The following TRPC3 variants were observed in gnomAD, a reference collection of about 807,000 sequenced individuals.
TRPC3 encodes transient receptor potential cation channel subfamily C member 3, also known as short transient receptor potential channel 3.
A neutral mutation model predicts 90.9 loss-of-function variants in TRPC3; 54 were observed. The ratio of observed to expected loss-of-function variants is 0.59; its 90% CI spans 0.48 to 0.75. TRPC3 has a LOEUF of 0.75. Among genes scored for constraint, TRPC3 ranks in the 30% least tolerant of loss-of-function variants. The probability of loss-of-function intolerance (pLI) is 0.00; values close to 1 mark genes in which losing one functional copy is unlikely to be tolerated. For synonymous variants in TRPC3, 424 were observed against 450.9 expected (o/e 0.94, Z 0.75); for missense variants, 918 against 1,194.5 (o/e 0.77, Z 3.41).
At chr4:121,910,499 T>C in intron 5 of TRPC3, 112 bp from the exon 6 acceptor site, 1 of 795,448 alleles carries the variant, frequency 1.3e-6, no homozygotes, top group South Asian at 1.6e-5. Flanking sequence ...AGCACAGTAC[T>C]AGGCATCACA....
chr4:121,921,949 C>T (rs145244073), intron 3 of TRPC3, among the ~76,000 whole-genome samples: 9 of 142,936 alleles, frequency 6.3e-5, no homozygotes, highest in Admixed American at 1.4e-4. Context: ...GTCGGAGTCT[C>T]GCTCTGTCGC....
At chr4:121,913,195 G>A (rs2149126793) in intron 4 of TRPC3, among the ~76,000 whole-genome samples, 1 of 152,270 alleles carries the variant, frequency 6.6e-6, no homozygotes, top group Middle Eastern at 3.4e-3. Context: ...TCACCTTGTT[G>A]TTACACAGCT....
chr4:121,908,120 A>G (rs1169498188), intron 6 of TRPC3, among the ~76,000 whole-genome samples: 1 of 152,176 alleles, frequency 6.6e-6, no homozygotes, highest in Non-Finnish European at 1.5e-5. Flanking sequence ...GTAAAATGCC[A>G]CTGAAGTAAA....
chr4:121,913,212 A>C (rs1729172558), intron 4 of TRPC3, among the ~76,000 whole-genome samples: 1 of 152,234 alleles, frequency 6.6e-6, no homozygotes, highest in African/African-American at 2.4e-5. Flanking sequence ...AGCTGCAAAA[A>C]GGGCACGTTT....
chr4:121,914,761 A>C lies in TRPC3; in HGVS notation c.1341+19T>G, dbSNP rs1297307413. The C allele has an allele frequency of 6.3e-7, 1 of 1,583,386 alleles. No individual in the cohort carries two copies. Among genetic ancestry groups the C allele is most frequent in the South Asian group, 1.1e-5 (1 of 88,296 alleles). On this transcript the variant is annotated intron_variant, in intron 4 of 11. Coordinates refer to ENST00000379645, the MANE Select transcript of TRPC3 (RefSeq NM_001130698.2). Reference sequence around the variant, plus strand: ...CACAGTACACCACCACAGAGGAAATAGATGTAGAAAGCAAGTACCCTGCTG... The same window carrying C: ...CACAGTACACCACCACAGAGGAAATCGATGTAGAAAGCAAGTACCCTGCTG...
intron 1 of TRPC3, among the ~76,000 whole-genome samples, chr4:121,938,060 T>C (rs1013707719): frequency 6.6e-6 from 1 of 151,806 alleles, no homozygotes; most frequent in African/African-American, 2.4e-5. Context: ...AAATACCCTC[T>C]CATATATGCC....
At chr4:121,936,890 G>T (rs1730148673) in intron 1 of TRPC3, among the ~76,000 whole-genome samples, 3 of 152,110 alleles carry the variant, frequency 2.0e-5, no homozygotes, top group African/African-American at 7.2e-5. Flanking sequence ...TGTCATGGCA[G>T]CCTGAATGAA....
intron 3 of TRPC3, among the ~76,000 whole-genome samples, chr4:121,918,837 G>T (rs138414544): frequency 5.9e-5 from 9 of 152,342 alleles, no homozygotes; most frequent in African/African-American, 2.2e-4. Context: ...ATAATAGCAA[G>T]TGAAGGCAAA....
chr4:121,915,364 A>G (rs1475234582), intron 3 of TRPC3, among the ~76,000 whole-genome samples: 1 of 152,252 alleles, frequency 6.6e-6, no homozygotes, highest in East Asian at 1.9e-4. Context: ...TATAGCTAAA[A>G]GAGAAATGTG....
chr4:121,940,534 A>T (rs980724669), intron 1 of TRPC3, among the ~76,000 whole-genome samples: 4 of 152,134 alleles, frequency 2.6e-5, no homozygotes. Flanking sequence ...CTCTCTGAAC[A>T]CACTGTTATT....
intron 4 of TRPC3, among the ~76,000 whole-genome samples, chr4:121,914,000 A>G (rs1367766162): frequency 6.6e-6 from 1 of 152,208 alleles, no homozygotes; most frequent in East Asian, 1.9e-4. Context: ...CAGAATATAA[A>G]AACAGGATTA....
At chr4:121,907,154 TA>T in intron 7 of TRPC3, 148 bp downstream of exon 7, 2 of 749,428 alleles carry the variant, frequency 2.7e-6, no homozygotes, top group Non-Finnish European at 2.1e-6. Flanking sequence ...CAGAGCAATA[TA>T]ATCAACACAA....
In TRPC3 at chr4:121,903,011, G is replaced by A; in HGVS notation, c.2304C>T (p.Ser768=). The part of the protein sequence containing the change: ...WKFARSKLWL[S]YFDDGKTLPP... ...GTAATGTTTTTCCATCATCAAAATA[G>A]GATAACCAAAGTTTTGAACGAGCAA... The change falls in exon 9 of 12, where the codon TCC becomes TCT. Residue 768 remains serine (S), a synonymous_variant. Transcript: ENST00000379645. 6.2e-7 allele frequency: 1 copy of A among 1,613,190 alleles called. No individual in the cohort carries two copies. The highest frequency in any genetic ancestry group is 1.1e-5 in the South Asian group (1 of 90,996).
chr4:121,941,059 T>C (rs912778597), intron 1 of TRPC3, among the ~76,000 whole-genome samples: 1 of 152,192 alleles, frequency 6.6e-6, no homozygotes, highest in African/African-American at 2.4e-5. Flanking sequence ...TTTATCATGA[T>C]GCTGCTAGGG....
chr4:121,919,514 T>C (rs756399949), intron 3 of TRPC3, among the ~76,000 whole-genome samples: 1 of 152,210 alleles, frequency 6.6e-6, no homozygotes, highest in Non-Finnish European at 1.5e-5. Context: ...CTCTGTTATC[T>C]CTTGGTGCCT....
chr4:121,887,158 G>A (rs978075204), intron 10 of TRPC3, among the ~76,000 whole-genome samples: 1 of 152,086 alleles, frequency 6.6e-6, no homozygotes, highest in Non-Finnish European at 1.5e-5. Context: ...TGTTCTCTGG[G>A]CCTGCATACC....
chr4:121,951,488 G>A lies in TRPC3; in HGVS notation c.193C>T (p.Pro65Ser). ...CACAGGTCCGGCCCGTGGGAGAAGGGCGGCGGGCAGTAGCCGTGCGGCTCC... is the reference window on the plus strand; with the variant it reads ...CACAGGTCCGGCCCGTGGGAGAAGGACGGCGGGCAGTAGCCGTGCGGCTCC... ...QREPHGYCPP[P>S]FSHGPDLSME... Residue 65 changes from proline to serine, a missense_variant, in exon 1 of 12, where the codon CCC (proline) becomes TCC (serine). Transcript: ENST00000379645. The surrounding 1 kb of genome is among the most constrained non-coding windows in gnomAD (Gnocchi z 4.4). 3.0e-6 allele frequency: 4 copies of A among 1,329,910 alleles called. No homozygotes were observed. The highest frequency in any genetic ancestry group is 3.8e-6 in the Non-Finnish European group (4 of 1,042,180). 82.4% of individuals were successfully genotyped at this position (1,329,910 alleles called of 1,614,324 possible).
chr4:121,940,076 G>A (rs1464555444), intron 1 of TRPC3, among the ~76,000 whole-genome samples: 1 of 152,190 alleles, frequency 6.6e-6, no homozygotes, highest in East Asian at 1.9e-4. Context: ...AATGCTGGTA[G>A]ACAGACAGGC....
chr4:121,887,040 G>A (rs969575408), intron 10 of TRPC3, among the ~76,000 whole-genome samples: 5 of 152,100 alleles, frequency 3.3e-5, no homozygotes, highest in African/African-American at 1.2e-4. Context: ...CAAATTCTAG[G>A]TACATGAAGA....
Sources: gnomAD v4.1 joint callset for allele counts (sites outside exome capture counted in the v4.1 genomes callset) on GRCh38, gnomAD v4.1.1 for gene constraint, Gnocchi (gnomAD v3.1) non-coding constraint, MANE v1.5 for transcripts, NCBI Gene and HGNC (gene_info 2026-07-23, HGNC 2026-07-21) for gene names.